The following CAMTA1 variants were observed in gnomAD, a reference collection of about 807,000 sequenced individuals.
CAMTA1 encodes calmodulin-binding transcription activator 1.
A neutral mutation model predicts 170.9 loss-of-function variants in CAMTA1; 27 were observed. The ratio of observed to expected loss-of-function variants is 0.16; its 90% CI spans 0.12 to 0.22. CAMTA1 has a LOEUF of 0.22. Among genes scored for constraint, CAMTA1 ranks in the 10% least tolerant of loss-of-function variants. CAMTA1 has a pLI of 1.00. For synonymous variants in CAMTA1, 833 were observed against 891.5 expected, an observed-to-expected ratio of 0.93 and a Z score of 1.17; for missense variants, 1,619 against 2,217.2, an observed-to-expected ratio of 0.73 and a Z score of 5.42.
intron 20 of CAMTA1, among the ~76,000 whole-genome samples, chr1:7,751,624 C>A (rs1558302049): frequency 6.6e-6 from 1 of 151,800 alleles, no homozygotes; most frequent in Non-Finnish European, 1.5e-5. Flanking sequence ...TTGATATTGC[C>A]ACCCAATTTT....
In CAMTA1 at chr1:7,633,492, T is replaced by C. The variant is rs1233302684; in HGVS notation, c.511-6908T>C. Among the ~76,000 whole-genome samples the C allele has an allele frequency of 2.0e-5, 3 of 152,080 alleles. No individual in the cohort carries two copies. Among genetic ancestry groups the C allele is most frequent in the Non-Finnish European group, 4.4e-5 (3 of 68,006 alleles). On this transcript the variant is annotated intron_variant, in intron 6 of 22. Coordinates refer to ENST00000303635, the MANE Select transcript of CAMTA1 (RefSeq NM_015215.4). This position sits in a 1 kb window ranked among gnomAD's most constrained non-coding sequence, Gnocchi z 4.1. ...ATGCCTGGGATGGACACCGACTCCT[T>C]CCCCGCACCCTAGTCTCTGTCTGTC... is the stretch of plus-strand genomic sequence containing the variant.
At chr1:7,478,000 T>C (rs1033340327) in intron 6 of CAMTA1, among the ~76,000 whole-genome samples, 1 of 152,242 alleles carries the variant, frequency 6.6e-6, no homozygotes, top group Non-Finnish European at 1.5e-5. Flanking sequence ...AATCAACTTC[T>C]TTGAACCTTA....
At chr1:6,963,052 C>A (rs1690783474) in intron 3 of CAMTA1, among the ~76,000 whole-genome samples, 1 of 151,336 alleles carries the variant, frequency 6.6e-6, no homozygotes, top group Non-Finnish European at 1.5e-5. Flanking sequence ...TCCTTGTGGC[C>A]CTTCTCCTCT....
At chr1:7,478,022 G>GTAAAA (rs993877855) in intron 6 of CAMTA1, among the ~76,000 whole-genome samples, 1 of 152,124 alleles carries the variant, frequency 6.6e-6, no homozygotes, top group Non-Finnish European at 1.5e-5. Flanking sequence ...TTCCTTTTTG[G>GTAAAA]TAAAATAAAA....
intron 8 of CAMTA1, among the ~76,000 whole-genome samples, chr1:7,662,520 A>G (rs1576677554): frequency 6.6e-6 from 1 of 152,280 alleles, no homozygotes; most frequent in South Asian, 2.1e-4. Flanking sequence ...CATCAAAAGT[A>G]AAGTGACCCT....
chr1:7,356,463 G>T (rs1361189095), intron 5 of CAMTA1, among the ~76,000 whole-genome samples: 1 of 152,228 alleles, frequency 6.6e-6, no homozygotes, highest in African/African-American at 2.4e-5. Context: ...CTTTTTGAAA[G>T]ATGTGTCCCC....
intron 3 of CAMTA1, among the ~76,000 whole-genome samples, chr1:6,951,638 G>T (rs1688504270): frequency 6.6e-6 from 1 of 152,178 alleles, no homozygotes. Flanking sequence ...CTCCTCCTGG[G>T]TTCCACGGGT....
Position 7,736,688 on chromosome 1 carries a change from A to C in CAMTA1, c.3263+148A>C, listed in dbSNP as rs1291613178. ...GGGCTTTGTCCTTGGACAGTTTCCA[A>C]GGGAGTTTTATAAACTTCTTCCCAA... On this transcript the variant is annotated intron_variant, in intron 13 of 22. Transcript: ENST00000303635. This position sits in a 1 kb window ranked among gnomAD's most constrained non-coding sequence, Gnocchi z 4.5. 1.3e-6 allele frequency: 1 copy of C among 797,910 alleles called. No individual in the cohort carries two copies. The highest frequency in any genetic ancestry group is 1.7e-5 in the African/African-American group (1 of 57,546). 49.4% of individuals were successfully genotyped at this position (797,910 alleles called of 1,614,324 possible). A position where few individuals can be genotyped will look rare whatever the true frequency, so the allele number is the denominator to read the frequency against.
rs914918508 is a variant in CAMTA1 at position 7,664,236 on chromosome 1, C to T, written c.1689C>T (p.Thr563=). The part of the protein sequence containing the change: ...AAVAASSLTL[T]AGSSLLPSGG... ...TGGCAGCCAGCTCCCTCACCCTGAC[C>T]GCCGGCTCCAGCCTCCTGCCGTCGG... Residue 563 remains threonine, a synonymous_variant, in exon 9 of 23, where the codon ACC becomes ACT. Transcript: ENST00000303635. 15 of 1,612,582 alleles carry T rather than the reference C, an allele frequency of 9.3e-6. No homozygotes were observed. Among genetic ancestry groups the T allele is most frequent in the Middle Eastern group, 3.3e-4 (2 of 6,082 alleles).
At chr1:6,899,753 A>G (rs991879393) in intron 3 of CAMTA1, among the ~76,000 whole-genome samples, 7 of 152,254 alleles carry the variant, frequency 4.6e-5, no homozygotes, top group Admixed American at 6.5e-5. Flanking sequence ...CTTAAGTTAT[A>G]TAAGGTTGTG....
At chr1:7,244,580 T>C (rs1303474609) in intron 4 of CAMTA1, among the ~76,000 whole-genome samples, 1 of 152,208 alleles carries the variant, frequency 6.6e-6, no homozygotes, top group Non-Finnish European at 1.5e-5. Context: ...GATGAGTTCA[T>C]GTCCTTTGTA....
chr1:7,146,333 C>A lies in CAMTA1; in HGVS notation c.302+54962C>A, dbSNP rs1573437142. ...CCTTGGGATATGAGAAGTTAATTTC[C>A]ACATATCCTGGAGGGGGAAGAAGCA... is the stretch of plus-strand genomic sequence containing the variant. On this transcript the variant is annotated intron_variant, in intron 4 of 22. Coordinates refer to ENST00000303635, the MANE Select transcript of CAMTA1 (RefSeq NM_015215.4). The surrounding 1 kb of genome is among the most constrained non-coding windows in gnomAD (Gnocchi z 4.3). Among the ~76,000 whole-genome samples the A allele has an allele frequency of 6.6e-6, 1 of 152,114 alleles. No homozygotes were observed. Among genetic ancestry groups the A allele is most frequent in the Non-Finnish European group, 1.5e-5 (1 of 68,044 alleles).
intron 3 of CAMTA1, among the ~76,000 whole-genome samples, chr1:7,054,752 GT>G (rs1435027588): frequency 6.6e-6 from 1 of 152,218 alleles, no homozygotes; most frequent in Non-Finnish European, 1.5e-5. Flanking sequence ...GGCCTTCAGT[GT>G]TCTCATCTGC....
At chr1:7,656,370 C>T (rs115662460) in intron 7 of CAMTA1, among the ~76,000 whole-genome samples, 12 of 152,244 alleles carry the variant, frequency 7.9e-5, no homozygotes, top group Non-Finnish European at 1.2e-4. Context: ...ATATAACCAT[C>T]TATCTAGGCA....
At chr1:7,526,433 G>T (rs1453521137) in intron 6 of CAMTA1, among the ~76,000 whole-genome samples, 1 of 152,140 alleles carries the variant, frequency 6.6e-6, no homozygotes, top group African/African-American at 2.4e-5. Context: ...GGCTGGCCAT[G>T]GGCCTCCCCT....
chr1:7,504,397 G>A (rs2094064985), intron 6 of CAMTA1, among the ~76,000 whole-genome samples: 1 of 152,250 alleles, frequency 6.6e-6, no homozygotes. Context: ...CCTGGGCACA[G>A]GGCTCTGCTT....
intron 4 of CAMTA1, among the ~76,000 whole-genome samples, chr1:7,240,335 A>T (rs186043556): frequency 6.6e-6 from 1 of 151,926 alleles, no homozygotes; most frequent in South Asian, 2.1e-4. Flanking sequence ...TTATTTTTTT[A>T]GTTTTCAAAA....
intron 22 of CAMTA1, among the ~76,000 whole-genome samples, chr1:7,759,903 T>C (rs2150270377): frequency 6.6e-6 from 1 of 152,354 alleles, no homozygotes; most frequent in African/African-American, 2.4e-5. Context: ...TCGTGGATAG[T>C]AGAAAGTGTT....
intron 7 of CAMTA1, among the ~76,000 whole-genome samples, chr1:7,654,274 G>A (rs957373300): frequency 6.6e-6 from 1 of 152,094 alleles, no homozygotes; most frequent in African/African-American, 2.4e-5. Flanking sequence ...CAGCTACTCA[G>A]GAGGCTGAGG....
Sources: allele counts gnomAD v4.1 joint callset (sites outside exome capture counted in the v4.1 genomes callset), GRCh38; gene constraint gnomAD v4.1.1; non-coding constraint Gnocchi (gnomAD v3.1); transcripts MANE v1.5; gene names NCBI Gene and HGNC (gene_info 2026-07-23, HGNC 2026-07-21).